The following CUBN variants were observed in gnomAD, a reference collection of about 807,000 sequenced individuals.
CUBN encodes cubilin.
A neutral mutation model predicts 405.3 loss-of-function variants in CUBN; 282 were observed. The ratio of observed to expected loss-of-function variants is 0.70; its 90% CI spans 0.63 to 0.77. CUBN has a LOEUF of 0.77. CUBN is among the 30% of genes least tolerant of loss of function. The probability of loss-of-function intolerance (pLI) is 0.00; values close to 1 mark genes in which losing one functional copy is unlikely to be tolerated. For missense variants in CUBN, 4,514 were observed against 4,475.2 expected, an observed-to-expected ratio of 1.01 and a Z score of -0.25; for synonymous variants, 1,684 against 1,617.0, an observed-to-expected ratio of 1.04 and a Z score of -0.99.
intron 54 of CUBN, among the ~76,000 whole-genome samples, chr10:16,897,507 A>G (rs1160130157): frequency 6.6e-6 from 1 of 152,020 alleles, no homozygotes; most frequent in African/African-American, 2.4e-5. Context: ...TCCCCTACCA[A>G]TACCCCCGGG....
intron 57 of CUBN, among the ~76,000 whole-genome samples, chr10:16,875,590 A>G (rs1840474141): frequency 6.6e-6 from 1 of 152,212 alleles, no homozygotes; most frequent in Admixed American, 6.5e-5. Flanking sequence ...TCAGACCCCC[A>G]GGTCCATCTG....
chr10:16,839,546 T>C (rs138730199), intron 62 of CUBN, among the ~76,000 whole-genome samples: 20,529 of 77,628 alleles, frequency 0.26, 5,094 homozygotes, highest in Middle Eastern at 0.53. Context: ...GAATGGTGAT[T>C]GTTAAAAAGT....
chr10:16,947,119 G>T, intron 36 of CUBN, 116 bp downstream of exon 36: 1 of 1,131,790 alleles, frequency 8.8e-7, no homozygotes, highest in Non-Finnish European at 1.3e-6. Context: ...GAGGAAATTT[G>T]GAAAAATACT....
At chr10:16,833,593 C>T (rs1246643762) in intron 64 of CUBN, among the ~76,000 whole-genome samples, 1 of 152,096 alleles carries the variant, frequency 6.6e-6, no homozygotes, top group Non-Finnish European at 1.5e-5. Flanking sequence ...AAGGTGCCAG[C>T]AGCCCTAGGA....
rs962239781 is a variant in CUBN, at chr10:17,015,856, T to C, written c.4168+3977A>G. Among the ~76,000 whole-genome samples, 6 of 152,140 alleles carry C rather than the reference T, an allele frequency of 3.9e-5. No homozygotes were observed. The East Asian group carries it at 9.7e-4, about 24-fold the overall frequency. On this transcript the variant is annotated intron_variant, in intron 28 of 66. Transcript: ENST00000377833. ...ACTGATAACAAGCCCTCCCAGGTGA[T>C]TGGCCTGCTCCATTTTTTGTCCTTT...
At chr10:16,906,717 G>C (rs1248928253) in intron 49 of CUBN, among the ~76,000 whole-genome samples, 1 of 152,122 alleles carries the variant, frequency 6.6e-6, no homozygotes, top group Non-Finnish European at 1.5e-5. Context: ...TTACTTTAGA[G>C]GAATACATAA....
Position 17,105,125 on chromosome 10 carries a change from C to A in CUBN, c.1230+332G>T, listed in dbSNP as rs1007132946. 3.9e-5 allele frequency among the ~76,000 whole-genome samples: 6 copies of A among 152,116 alleles called. No homozygotes were observed. In the East Asian group the frequency reaches 1.2e-3, roughly 30 times the overall value. Reference sequence around the variant, plus strand: ...CTACTGATATATTTAACAGGTGCTACAAATATATATGTGTTTATATGTAAG... The same window carrying A: ...CTACTGATATATTTAACAGGTGCTAAAAATATATATGTGTTTATATGTAAG... On this transcript the variant is annotated intron_variant, in intron 11 of 66. Coordinates refer to ENST00000377833, the MANE Select transcript of CUBN (RefSeq NM_001081.4).
rs756660768 is a variant in CUBN at position 16,840,340 on chromosome 10, T to A, written c.10022A>T (p.Asp3341Val). ...DCTQNYLQLQ[D>V]SPQGHGNSRF... ...TCTTATAATTGTTACCTGCGGTGAG[T>A]CCTGAAGCTGTAAGTAATTCTGCGT... is the stretch of plus-strand genomic sequence containing the variant. Residue 3341 changes from aspartate to valine, a missense_variant, in exon 62 of 67, where the codon GAC becomes GTC. Asp to Val is a radical substitution (Grantham distance 152). Transcript: ENST00000377833. The A allele has an allele frequency of 6.2e-7, 1 of 1,613,888 alleles. No individual in the cohort carries two copies. The highest frequency in any genetic ancestry group is 8.5e-7 in the Non-Finnish European group (1 of 1,179,904).
At chr10:17,078,123 A>G (rs1835890332) in intron 17 of CUBN, among the ~76,000 whole-genome samples, 1 of 152,116 alleles carries the variant, frequency 6.6e-6, no homozygotes, top group Non-Finnish European at 1.5e-5. Flanking sequence ...TTTAGTGAGC[A>G]TTCATTGTGT....
At chr10:16,969,770 C>T (rs41517646) in intron 31 of CUBN, among the ~76,000 whole-genome samples, 25,340 of 152,084 alleles carry the variant, frequency 0.17, 2,262 homozygotes, top group Middle Eastern at 0.23. Flanking sequence ...CAATTTGGAA[C>T]CTATAGGGAC....
At chr10:17,117,010 A>G (rs926681399) in intron 6 of CUBN, among the ~76,000 whole-genome samples, 29 of 152,358 alleles carry the variant, frequency 1.9e-4, no homozygotes, top group Admixed American at 1.2e-3. Flanking sequence ...CTGATTCATT[A>G]ATATATGACA....
rs1842815024 is a variant in CUBN at position 16,947,330 on chromosome 10, G to A, written c.5247C>T (p.Phe1749=). 6 of 1,614,082 alleles carry A rather than the reference G, an allele frequency of 3.7e-6. No individual in the cohort carries two copies. Among genetic ancestry groups the A allele is most frequent in the Non-Finnish European group, 5.1e-6 (6 of 1,179,980 alleles). The change falls in exon 36 of 67, where the codon TTC becomes TTT. Residue 1749 remains phenylalanine (F), a synonymous_variant. Transcript: ENST00000377833. ...GGTFYMAEGI[F]NSPGYPDIYP... is the part of the protein sequence containing the mutation. ...AAATGTCTGGGTAGCCAGGGCTGTTGAAGATGCCTTCAGCCATGTAGAACG... is the reference window on the plus strand; with the variant it reads ...AAATGTCTGGGTAGCCAGGGCTGTTAAAGATGCCTTCAGCCATGTAGAACG...
intron 25 of CUBN, among the ~76,000 whole-genome samples, chr10:17,044,275 AATAT>A (rs1835075849): frequency 6.8e-6 from 1 of 147,286 alleles, no homozygotes; most frequent in Admixed American, 6.8e-5. Context: ...TGTAAACATA[AATAT>A]ATATAAAATA....
intron 27 of CUBN, among the ~76,000 whole-genome samples, chr10:17,020,427 A>G (rs1318927669): frequency 6.6e-6 from 1 of 152,234 alleles, no homozygotes; most frequent in Non-Finnish European, 1.5e-5. Context: ...ATACTTTGAC[A>G]CAGGCATGCA....
chr10:16,946,893 C>T (rs2131618880), intron 36 of CUBN, among the ~76,000 whole-genome samples: 1 of 152,136 alleles, frequency 6.6e-6, no homozygotes, highest in East Asian at 1.9e-4. Flanking sequence ...GAGGGCTCTG[C>T]TGGAATAAAC....
chr10:16,925,497 T>C (rs527343915), intron 42 of CUBN, 73 bp from the exon 43 acceptor site: 2 of 1,606,914 alleles, frequency 1.2e-6, no homozygotes, highest in African/African-American at 2.7e-5. Context: ...CTTATCCATT[T>C]ATGTCCCAGG....
intron 31 of CUBN, among the ~76,000 whole-genome samples, chr10:16,971,630 T>C (rs7097499): frequency 0.065 from 9,903 of 152,220 alleles, 1,133 homozygotes; most frequent in African/African-American, 0.23. Context: ...AGAAAAATCT[T>C]GTGCCAAGCC....
At chr10:17,107,903 AT>A (rs937831624) in intron 10 of CUBN, among the ~76,000 whole-genome samples, 20 of 152,240 alleles carry the variant, frequency 1.3e-4, no homozygotes, top group South Asian at 4.1e-4. Context: ...CTAGAAATGC[AT>A]TTTTTTATAG....
intron 31 of CUBN, among the ~76,000 whole-genome samples, chr10:16,973,234 C>T (rs569237834): frequency 6.6e-6 from 1 of 152,142 alleles, no homozygotes; most frequent in Non-Finnish European, 1.5e-5. Context: ...TGCAGCCTCC[C>T]CTCGTGGCCT....
Sources: gnomAD v4.1 joint callset for allele counts (sites outside exome capture counted in the v4.1 genomes callset) on GRCh38, gnomAD v4.1.1 for gene constraint, MANE v1.5 for transcripts, NCBI Gene and HGNC (gene_info 2026-07-23, HGNC 2026-07-21) for gene names.